The following FNIP2 variants were observed in gnomAD, a reference collection of about 807,000 sequenced individuals.
The protein encoded by FNIP2 is folliculin-interacting protein 2.
Under a neutral mutation model 108.7 loss-of-function variants are expected in FNIP2, and 32 were observed. The ratio of observed to expected loss-of-function variants is 0.29; its 90% CI spans 0.22 to 0.40. The LOEUF (loss-of-function observed/expected upper bound fraction) is 0.40, where lower values mean the gene tolerates loss of function less well. Ranked by LOEUF, FNIP2 falls within the 10% of genes least tolerant of loss-of-function variation. The probability of loss-of-function intolerance (pLI) is 1.00; values close to 1 mark genes in which losing one functional copy is unlikely to be tolerated. For synonymous variants in FNIP2, 480 were observed against 496.7 expected (o/e 0.97, Z 0.45); for missense variants, 1,202 against 1,381.6 (o/e 0.87, Z 2.06).
rs370705047 is a variant in FNIP2, at chr4:158,820,379, G to T, written c.108-5537G>T. ...ACTAGAACTGGTCTCAAAGGATATA[G>T]CAAATCACCCTGCAACATGTTATAC... On this transcript the variant is annotated intron_variant, in intron 1 of 16. Coordinates refer to ENST00000264433, the MANE Select transcript of FNIP2 (RefSeq NM_020840.3). Among the ~76,000 whole-genome samples the T allele has an allele frequency of 2.4e-4, 37 of 152,280 alleles. No homozygotes were observed. In the East Asian group the frequency reaches 3.3e-3, roughly 13 times the overall value.
chr4:158,778,204 T>A (rs1775921127), intron 1 of FNIP2, among the ~76,000 whole-genome samples: 1 of 152,248 alleles, frequency 6.6e-6, no homozygotes. Flanking sequence ...TTTGTCTTCA[T>A]GAAACTCTCC....
At chr4:158,793,930 G>A (rs1023234654) in intron 1 of FNIP2, among the ~76,000 whole-genome samples, 1 of 152,112 alleles carries the variant, frequency 6.6e-6, no homozygotes, top group Non-Finnish European at 1.5e-5. Flanking sequence ...CTAGAACTAC[G>A]CTGCCCAGTT....
At chr4:158,797,817 A>G (rs1776636531) in intron 1 of FNIP2, among the ~76,000 whole-genome samples, 1 of 152,210 alleles carries the variant, frequency 6.6e-6, no homozygotes, top group African/African-American at 2.4e-5. Flanking sequence ...AGAGGGAGCC[A>G]GGAGTGCCAC....
At chr4:158,889,504 C>G (rs951395491) in intron 14 of FNIP2, among the ~76,000 whole-genome samples, 2 of 152,178 alleles carry the variant, frequency 1.3e-5, no homozygotes, top group African/African-American at 4.8e-5. Context: ...CCCTTCCCTA[C>G]CACTGCAGTG....
intron 14 of FNIP2, among the ~76,000 whole-genome samples, chr4:158,881,915 G>C (rs566970559): frequency 7.0e-6 from 1 of 142,700 alleles, no homozygotes; most frequent in African/African-American, 2.7e-5. Flanking sequence ...GCCGCCCATC[G>C]TCTGGGATGT....
chr4:158,903,691 A>T (rs2126810350), intron 16 of FNIP2, among the ~76,000 whole-genome samples: 1 of 152,314 alleles, frequency 6.6e-6, no homozygotes, highest in South Asian at 2.1e-4. Flanking sequence ...TGTATGTAGC[A>T]TTACTGGAGA....
In FNIP2 at chr4:158,878,818, TAAAAA is replaced by T. The variant is rs542056192; in HGVS notation, c.2949+8353_2949+8357del. 3.7e-3 allele frequency among the ~76,000 whole-genome samples: 554 copies of T among 151,508 alleles called. 3 individuals carry two copies. Among genetic ancestry groups the T allele is most frequent in the African/African-American group, 0.013 (525 of 41,292 alleles). ...TGATAAAAAGAAGGAATTGGAACCT[TAAAAA>T]AAAGAGAGGATAATGTGATAAATGA... On this transcript the variant is annotated intron_variant, in intron 14 of 16. Transcript: ENST00000264433.
chr4:158,793,073 T>C (rs184972074), intron 1 of FNIP2, among the ~76,000 whole-genome samples: 3 of 151,998 alleles, frequency 2.0e-5, no homozygotes, highest in Admixed American at 2.0e-4. Context: ...TGGGGGAAGG[T>C]AGAAATGAGG....
At chr4:158,895,580 T>C (rs1172420172) in intron 15 of FNIP2, among the ~76,000 whole-genome samples, 170 bp from the exon 16 acceptor site, 2 of 152,268 alleles carry the variant, frequency 1.3e-5, no homozygotes, top group African/African-American at 4.8e-5. Context: ...GAACCTATTC[T>C]TATACCTGGT....
rs369087052 is a variant in FNIP2, at chr4:158,868,762, G to A, written c.2126G>A (p.Arg709Gln). 6.0e-5 allele frequency: 97 copies of A among 1,613,690 alleles called. No individual in the cohort carries two copies. Among genetic ancestry groups the A allele is most frequent in the Middle Eastern group, 1.6e-4 (1 of 6,082 alleles). Residue 709 changes from arginine (R) to glutamine (Q), a missense_variant, in exon 13 of 17, where the codon CGG (arginine) becomes CAG (glutamine). Transcript: ENST00000264433. This position sits in a 1 kb window ranked among gnomAD's most constrained non-coding sequence, Gnocchi z 4.6. ...VAWPCPDRHL[R>Q]EKPSLEKVTF... ...TGGCCTTGCCCTGACAGACATCTCC[G>A]GGAGAAACCTTCCTTAGAAAAGGTC...
At chr4:158,852,741 C>T (rs1485029687) in intron 8 of FNIP2, among the ~76,000 whole-genome samples, 1 of 152,152 alleles carries the variant, frequency 6.6e-6, no homozygotes, top group East Asian at 1.9e-4. Context: ...GAGACGGCAT[C>T]GCCACCATCC....
At chr4:158,863,233 C>G (rs1039492728) in intron 12 of FNIP2, among the ~76,000 whole-genome samples, 1 of 152,234 alleles carries the variant, frequency 6.6e-6, no homozygotes, top group Non-Finnish European at 1.5e-5. Flanking sequence ...TCCATTATTA[C>G]AAAGAAGTCG....
At chr4:158,811,045 G>A (rs1460310337) in intron 1 of FNIP2, among the ~76,000 whole-genome samples, 1 of 152,132 alleles carries the variant, frequency 6.6e-6, no homozygotes. Flanking sequence ...ATTGGAGAGA[G>A]CAATAACTTG....
chr4:158,845,044 G>T (rs1413127315), intron 7 of FNIP2, among the ~76,000 whole-genome samples: 1 of 152,218 alleles, frequency 6.6e-6, no homozygotes, highest in Non-Finnish European at 1.5e-5. Context: ...CAGTAATCTG[G>T]TGATGGGACT....
Position 158,830,855 on chromosome 4 carries a change from G to A in FNIP2, c.382-1006G>A, listed in dbSNP as rs150530528. Among the ~76,000 whole-genome samples, 439 of 152,276 alleles carry A rather than the reference G, an allele frequency of 2.9e-3. 3 individuals are homozygous for A. The highest frequency in any genetic ancestry group is 9.7e-3 in the African/African-American group (402 of 41,558). On this transcript the variant is annotated intron_variant, in intron 3 of 16. Transcript: ENST00000264433. ...TCATTGTGTCACTAGCACTTAGCAC[G>A]GGTGCTCAGAATTCTGCATCCCAAG...
In FNIP2 at chr4:158,874,492, C is replaced by CAA. The variant is rs56397772; in HGVS notation, c.2949+4035_2949+4036dup. 1.4e-4 allele frequency among the ~76,000 whole-genome samples: 13 copies of CAA among 91,446 alleles called. 1 individual carries two copies. Among genetic ancestry groups the CAA allele is most frequent in the East Asian group, 1.2e-3 (4 of 3,424 alleles). 60.0% of individuals were successfully genotyped at this position (91,446 alleles called of 152,430 possible). A position where few individuals can be genotyped will look rare whatever the true frequency, so the allele number is the denominator to read the frequency against. On this transcript the variant is annotated intron_variant, in intron 14 of 16. Transcript: ENST00000264433. ...CAATATAGCAAAATCCCATCTCTAG[C>CAA]AAAAAAAAAAAAATAGCTAGGCATG...
At chr4:158,876,769 G>A (rs987296011) in intron 14 of FNIP2, among the ~76,000 whole-genome samples, 1 of 152,216 alleles carries the variant, frequency 6.6e-6, no homozygotes, top group African/African-American at 2.4e-5. Context: ...AGTCATGTGT[G>A]TCTATTACTT....
intron 1 of FNIP2, among the ~76,000 whole-genome samples, chr4:158,817,358 G>A (rs1264347007): frequency 6.6e-6 from 1 of 152,172 alleles, no homozygotes; most frequent in African/African-American, 2.4e-5. Context: ...TGTTTAGCAG[G>A]TTTAAGGGAT....
At chr4:158,904,328 T>C in intron 16 of FNIP2, 138 bp from the exon 17 acceptor site, 2 of 700,390 alleles carry the variant, frequency 2.9e-6, no homozygotes, top group South Asian at 1.8e-5. Context: ...TCCATCTGTT[T>C]TGCTTTTTCA....
Sources: allele counts gnomAD v4.1 joint callset (sites outside exome capture counted in the v4.1 genomes callset), GRCh38; gene constraint gnomAD v4.1.1; non-coding constraint Gnocchi (gnomAD v3.1); transcripts MANE v1.5; gene names NCBI Gene and HGNC (gene_info 2026-07-23, HGNC 2026-07-21).